Variants in PCSK2 observed in about 807,000 individuals in gnomAD.
PCSK2 encodes neuroendocrine convertase 2.
A neutral mutation model predicts 69.7 loss-of-function variants in PCSK2; 14 were observed. The ratio of observed to expected loss-of-function variants is 0.20; its 90% CI spans 0.13 to 0.31. The LOEUF (loss-of-function observed/expected upper bound fraction) is 0.31. Ranked by LOEUF, PCSK2 falls within the 10% of genes least tolerant of loss-of-function variation. PCSK2 has a pLI of 1.00. For missense variants in PCSK2, 544 were observed against 842.5 expected, an observed-to-expected ratio of 0.65 and a Z score of 4.39; for synonymous variants, 307 against 320.7, an observed-to-expected ratio of 0.96 and a Z score of 0.46.
intron 5 of PCSK2, among the ~76,000 whole-genome samples, chr20:17,403,823 C>T (rs1176891541): frequency 6.6e-6 from 1 of 152,234 alleles, no homozygotes; most frequent in Non-Finnish European, 1.5e-5. Context: ...CAAGAAACAT[C>T]TTGTCTTCTG....
chr20:17,432,166 G>T (rs779701880), intron 7 of PCSK2, among the ~76,000 whole-genome samples: 4 of 152,200 alleles, frequency 2.6e-5, no homozygotes, highest in Non-Finnish European at 4.4e-5. Context: ...GAGCATCTCT[G>T]CATCTACCTG....
intron 2 of PCSK2, among the ~76,000 whole-genome samples, chr20:17,351,691 A>G (rs890826220): frequency 6.6e-6 from 1 of 152,228 alleles, no homozygotes; most frequent in South Asian, 2.1e-4. Context: ...TTGAAGAAAC[A>G]TACCTCAAAA....
chr20:17,331,558 C>A (rs2123152228), intron 2 of PCSK2, among the ~76,000 whole-genome samples: 1 of 152,174 alleles, frequency 6.6e-6, no homozygotes, highest in African/African-American at 2.4e-5. Context: ...AATGTAAGAC[C>A]CTTCCCAGGA....
intron 5 of PCSK2, among the ~76,000 whole-genome samples, chr20:17,374,364 T>C (rs573026013): frequency 6.6e-6 from 1 of 152,278 alleles, no homozygotes; most frequent in African/African-American, 2.4e-5. Context: ...CTGTTAGGTC[T>C]ATGGAACAAA....
chr20:17,301,438 T>A (rs552259686), intron 2 of PCSK2, among the ~76,000 whole-genome samples: 1 of 152,304 alleles, frequency 6.6e-6, no homozygotes, highest in East Asian at 1.9e-4. Flanking sequence ...TCCATATACA[T>A]AATTTTAAAT....
At position 17,296,541 on chromosome 20, in the gene PCSK2, ACT is replaced by A. The variant is rs201390041; in HGVS notation, c.282+36199_282+36200del. 5.0e-3 allele frequency among the ~76,000 whole-genome samples: 764 copies of A among 152,140 alleles called. 6 individuals carry two copies. Among genetic ancestry groups the A allele is most frequent in the East Asian group, 0.023 (117 of 5,172 alleles). ...AAATTCTTCCAACCTGGCCTGTCAA[ACT>A]CAGCCTTCTGGGTTTTCCAGCTCTG... On this transcript the variant is annotated intron_variant, in intron 2 of 11. Coordinates refer to ENST00000262545, the MANE Select transcript of PCSK2 (RefSeq NM_002594.5).
intron 11 of PCSK2, among the ~76,000 whole-genome samples, chr20:17,480,989 T>G (rs1293996054): frequency 1.3e-5 from 2 of 152,098 alleles, no homozygotes; most frequent in African/African-American, 4.8e-5. Flanking sequence ...CAAGGGAGCT[T>G]CAGCTGCAGG....
At chr20:17,444,457 A>C (rs866838881) in intron 8 of PCSK2, among the ~76,000 whole-genome samples, 2 of 152,214 alleles carry the variant, frequency 1.3e-5, no homozygotes, top group African/African-American at 4.8e-5. Flanking sequence ...GTGGGCAAGA[A>C]GGAAATCCTT....
At chr20:17,290,921 A>G (rs938892404) in intron 2 of PCSK2, among the ~76,000 whole-genome samples, 1 of 152,038 alleles carries the variant, frequency 6.6e-6, no homozygotes, top group Non-Finnish European at 1.5e-5. Context: ...TACTTTCCTG[A>G]GGAGCCCACC....
intron 5 of PCSK2, among the ~76,000 whole-genome samples, chr20:17,388,633 A>G (rs2031296935): frequency 6.6e-6 from 1 of 152,138 alleles, no homozygotes; most frequent in Non-Finnish European, 1.5e-5. Context: ...TTCAGGCACT[A>G]GGGTCCTGAA....
chr20:17,252,195 T>C (rs1215227503), intron 1 of PCSK2, among the ~76,000 whole-genome samples: 1 of 152,160 alleles, frequency 6.6e-6, no homozygotes, highest in African/African-American at 2.4e-5. Context: ...ATGGACCTCA[T>C]TTCTTGATAT....
At chr20:17,437,626 A>G (rs2123353035) in intron 8 of PCSK2, among the ~76,000 whole-genome samples, 1 of 152,312 alleles carries the variant, frequency 6.6e-6, no homozygotes, top group East Asian at 1.9e-4. Flanking sequence ...TGTATAAATG[A>G]GATAAAGATG....
In PCSK2 at chr20:17,388,043, GA is replaced by G. The variant is rs576302035; in HGVS notation, c.543+18768del. ...TTAGCCAGGAATCTGGAAGCAGAAG[GA>G]ACAGCTTGTGCAAAGACCCTGAGGC... On this transcript the variant is annotated intron_variant, in intron 5 of 11. Transcript: ENST00000262545. Among the ~76,000 whole-genome samples, 139 of 152,266 alleles carry G rather than the reference GA, an allele frequency of 9.1e-4. 1 individual carries two copies. The highest frequency in any genetic ancestry group is 1.6e-3 in the Non-Finnish European group (112 of 68,028).
intron 2 of PCSK2, among the ~76,000 whole-genome samples, chr20:17,297,612 G>A (rs1988938619): frequency 6.6e-6 from 1 of 152,178 alleles, no homozygotes; most frequent in African/African-American, 2.4e-5. Flanking sequence ...TCATTACATG[G>A]CAATGGCAAG....
chr20:17,228,194 A>G (rs1039929915), intron 1 of PCSK2: 2 of 152,286 alleles, frequency 1.3e-5, no homozygotes, highest in Non-Finnish European at 2.9e-5. Flanking sequence ...CCTACGGAGA[A>G]GTCGAGGTGT....
intron 1 of PCSK2, among the ~76,000 whole-genome samples, chr20:17,234,093 C>T (rs1306671882): frequency 6.6e-6 from 1 of 152,178 alleles, no homozygotes; most frequent in Non-Finnish European, 1.5e-5. Context: ...ACTGCCCAAA[C>T]TAATATGCTG....
At chr20:17,296,311 A>G (rs550215604) in intron 2 of PCSK2, among the ~76,000 whole-genome samples, 54 of 152,372 alleles carry the variant, frequency 3.5e-4, no homozygotes, top group Admixed American at 1.7e-3. Context: ...AATCAGCTAC[A>G]TAAATTGAGT....
chr20:17,255,344 A>AT (rs775400787), intron 1 of PCSK2, among the ~76,000 whole-genome samples: 5,443 of 143,826 alleles, frequency 0.038, 285 homozygotes, highest in African/African-American at 0.12. Context: ...TTCATTCCTA[A>AT]TTTTTTTTTT....
chr20:17,253,448 G>A (rs901973860), intron 1 of PCSK2, among the ~76,000 whole-genome samples: 1 of 152,088 alleles, frequency 6.6e-6, no homozygotes, highest in South Asian at 2.1e-4. Context: ...TTCATATAAA[G>A]AAGTGATACA....
Sources: gnomAD v4.1 joint callset for allele counts (sites outside exome capture counted in the v4.1 genomes callset) on GRCh38, gnomAD v4.1.1 for gene constraint, MANE v1.5 for transcripts, NCBI Gene and HGNC (gene_info 2026-07-23, HGNC 2026-07-21) for gene names.